The following CLIP4 variants were observed in gnomAD, a reference collection of about 807,000 sequenced individuals.
CLIP4 encodes the protein CAP-Gly domain-containing linker protein 4.
Under a neutral mutation model 73.1 loss-of-function variants are expected in CLIP4, and 47 were observed. The ratio of observed to expected loss-of-function variants is 0.64; its 90% CI spans 0.51 to 0.82. CLIP4 has a LOEUF of 0.82. Ranked by LOEUF, CLIP4 falls within the 40% of genes least tolerant of loss-of-function variation. CLIP4 has a pLI of 0.00. For missense variants in CLIP4, 874 were observed against 852.9 expected (o/e 1.02, Z -0.31); for synonymous variants, 306 against 295.4 (o/e 1.04, Z -0.37).
At chr2:29,117,399 A>G (rs574653682) in intron 1 of CLIP4, among the ~76,000 whole-genome samples, 69 of 148,352 alleles carry the variant, frequency 4.7e-4, no homozygotes, top group Non-Finnish European at 9.0e-4. Flanking sequence ...GCTGCAGTGC[A>G]GTGGCCTGAT....
At chr2:29,099,359 C>T (rs745355423) in intron 1 of CLIP4, among the ~76,000 whole-genome samples, 1 of 152,054 alleles carries the variant, frequency 6.6e-6, no homozygotes, top group Non-Finnish European at 1.5e-5. Flanking sequence ...TGTCCACGAT[C>T]CATTTTGAGT....
chr2:29,140,448 A>T (rs1003501214), intron 6 of CLIP4, among the ~76,000 whole-genome samples: 86 of 152,232 alleles, frequency 5.6e-4, no homozygotes, highest in African/African-American at 2.0e-3. Context: ...CATGGTGTGT[A>T]TGTGCCACAT....
chr2:29,143,823 G>C lies in CLIP4; in HGVS notation c.763G>C (p.Val255Leu). ...KEIKQMLLDA[V>L]PLSCNISKAM... ...AATCAAGCAGATGCTTCTAGATGCGGTGCCTCTGTCATGTAACATCTCAAA... is the reference window on the plus strand; with the variant it reads ...AATCAAGCAGATGCTTCTAGATGCGCTGCCTCTGTCATGTAACATCTCAAA... Residue 255 changes from valine to leucine, a missense_variant, in exon 7 of 16, where the codon GTG becomes CTG. By Grantham distance (32) the Val-to-Leu change is conservative (BLOSUM62 1). Coordinates refer to ENST00000320081, the MANE Select transcript of CLIP4 (RefSeq NM_024692.6). 6.2e-7 allele frequency: 1 copy of C among 1,614,130 alleles called. No individual in the cohort carries two copies. The highest frequency in any genetic ancestry group is 8.5e-7 in the Non-Finnish European group (1 of 1,179,948).
rs73922967 is a variant in CLIP4, at chr2:29,110,131, A to C, written c.-15-11243A>C. Among the ~76,000 whole-genome samples the C allele has an allele frequency of 7.4e-3, 1,126 of 152,282 alleles. 8 individuals are homozygous for C. The highest frequency in any genetic ancestry group is 0.026 in the African/African-American group (1,070 of 41,558). ...ATCAACTGAATGGAAATATCTGAGG[A>C]GGTCTTTAAGGGTTTATTTTGCAAA... On this transcript the variant is annotated intron_variant, in intron 1 of 14. Transcript: ENST00000401605.
At position 29,156,410 on chromosome 2, in the gene CLIP4, G is replaced by T; in HGVS notation, c.1222G>T (p.Gly408Cys). 6.3e-7 allele frequency: 1 copy of T among 1,587,788 alleles called. No homozygotes were observed. Among genetic ancestry groups the T allele is most frequent in the Non-Finnish European group, 8.5e-7 (1 of 1,173,336 alleles). The change falls in exon 10 of 16, where the codon GGT (glycine) becomes TGT (cysteine). Residue 408 changes from glycine to cysteine, a missense_variant. Gly to Cys is a radical substitution (Grantham distance 159). Coordinates refer to ENST00000320081, the MANE Select transcript of CLIP4 (RefSeq NM_024692.6). Reference sequence around the variant, plus strand: ...TGAGTCAACACTTTCATTGCCTCCTGGTGAAGAACTTAAAACTGTGACAGA... The same window carrying T: ...TGAGTCAACACTTTCATTGCCTCCTTGTGAAGAACTTAAAACTGTGACAGA... ...ASESTLSLPP[G>C]EELKTVTEKD...
intron 1 of CLIP4, among the ~76,000 whole-genome samples, chr2:29,107,356 T>C (rs1271912388): frequency 1.7e-5 from 2 of 121,146 alleles, no homozygotes; most frequent in Admixed American, 8.6e-5. Flanking sequence ...TGGAACATGA[T>C]AGTTTTTTTT....
At chr2:29,170,440 C>G (rs1667928290) in intron 14 of CLIP4, among the ~76,000 whole-genome samples, 2 of 152,166 alleles carry the variant, frequency 1.3e-5, no homozygotes, top group Non-Finnish European at 2.9e-5. Flanking sequence ...TTCACATCTT[C>G]TGCTCATTTT....
intron 15 of CLIP4, among the ~76,000 whole-genome samples, chr2:29,178,555 C>T (rs772258085): frequency 7.9e-5 from 12 of 152,130 alleles, no homozygotes; most frequent in Admixed American, 5.9e-4. Flanking sequence ...CCCTGTATAT[C>T]GTGCTCATAT....
intron 15 of CLIP4, chr2:29,174,756 C>T: frequency 1.3e-6 from 1 of 781,014 alleles, no homozygotes. Context: ...CTTTTAAACT[C>T]TCCTTAAGTA....
intron 1 of CLIP4, among the ~76,000 whole-genome samples, chr2:29,109,451 T>C (rs1668325498): frequency 6.6e-6 from 1 of 152,228 alleles, no homozygotes; most frequent in African/African-American, 2.4e-5. Flanking sequence ...TAATGTATAG[T>C]GATCAGATCA....
intron 2 of CLIP4, chr2:29,129,903 A>C (rs1664854192): frequency 2.3e-6 from 1 of 436,968 alleles, no homozygotes; most frequent in Non-Finnish European, 4.9e-6. Context: ...ATTCTGATCC[A>C]CAGTGTTTTT....
At chr2:29,138,789 G>A (rs1665555694) in intron 6 of CLIP4, among the ~76,000 whole-genome samples, 1 of 151,944 alleles carries the variant, frequency 6.6e-6, no homozygotes, top group Non-Finnish European at 1.5e-5. Flanking sequence ...TCTTGATTTT[G>A]TTCTCAGCCT....
intron 14 of CLIP4, among the ~76,000 whole-genome samples, chr2:29,170,495 A>G (rs537345106): frequency 6.6e-6 from 1 of 152,306 alleles, no homozygotes; most frequent in South Asian, 2.1e-4. Context: ...TATATTTTGA[A>G]TACCAAACAT....
At chr2:29,117,190 C>T (rs892946055) in intron 1 of CLIP4, among the ~76,000 whole-genome samples, 1 of 152,130 alleles carries the variant, frequency 6.6e-6, no homozygotes, top group Non-Finnish European at 1.5e-5. Flanking sequence ...GAAGAGCTTT[C>T]GGAGACCAGA....
At chr2:29,158,447 G>A (rs1187170962) in intron 11 of CLIP4, among the ~76,000 whole-genome samples, 1 of 151,888 alleles carries the variant, frequency 6.6e-6, no homozygotes, top group African/African-American at 2.4e-5. Flanking sequence ...AAATTTGAGG[G>A]TTATGTCGAC....
chr2:29,177,990 G>A (rs1668441463), intron 15 of CLIP4, among the ~76,000 whole-genome samples: 1 of 151,970 alleles, frequency 6.6e-6, no homozygotes, highest in Admixed American at 6.5e-5. Flanking sequence ...TTAATTTTTG[G>A]TTTAGATGTT....
intron 2 of CLIP4, chr2:29,130,723 T>G: frequency 8.1e-7 from 1 of 1,233,386 alleles, no homozygotes; most frequent in Non-Finnish European, 1.0e-6. Context: ...ATATGTGTCT[T>G]TAGTTTGGTG....
At chr2:29,177,196 G>A (rs2148114880) in intron 15 of CLIP4, among the ~76,000 whole-genome samples, 1 of 152,134 alleles carries the variant, frequency 6.6e-6, no homozygotes, top group Non-Finnish European at 1.5e-5. Flanking sequence ...ATCACTTGAG[G>A]TCAGGAGATC....
In CLIP4 at chr2:29,167,528, C is replaced by A. The variant is rs1350150173; in HGVS notation, c.1711C>A (p.His571Asn). 1.9e-6 allele frequency: 3 copies of A among 1,604,956 alleles called. No homozygotes were observed. The South Asian group carries it at 3.4e-5, about 18-fold the overall frequency. ...AGAAATTTCTTCAAATAAACAGAAC[C>A]ATTCTTATCCTGGTAAGACTACACA... Reference protein sequence around the residue: ...LSEISSNKQNHSYPGFRRSFS... With the variant: ...LSEISSNKQNNSYPGFRRSFS... The change falls in exon 14 of 16, where the codon CAT becomes AAT. Residue 571 changes from histidine to asparagine, a missense_variant. By Grantham distance (68) the His-to-Asn change is moderately conservative (BLOSUM62 1). Coordinates refer to ENST00000320081, the MANE Select transcript of CLIP4 (RefSeq NM_024692.6).
Sources: gnomAD v4.1 joint callset for allele counts (sites outside exome capture counted in the v4.1 genomes callset) on GRCh38, gnomAD v4.1.1 for gene constraint, MANE v1.5 for transcripts, NCBI Gene and HGNC (gene_info 2026-07-23, HGNC 2026-07-21) for gene names.